Variants in ZNF835 observed in about 807,000 individuals in gnomAD.
ZNF835 encodes the protein zinc finger protein 835.
For missense variants in ZNF835, 783 were observed against 758.4 expected (o/e 1.03, Z -0.38); for synonymous variants, 323 against 324.7 (o/e 0.99, Z 0.06).
At chr19:56,669,016 G>A (rs2045268770) in intron 1 of ZNF835, among the ~76,000 whole-genome samples, 1 of 152,084 alleles carries the variant, frequency 6.6e-6, no homozygotes, top group African/African-American at 2.4e-5. Context: ...GAAGAAAGCT[G>A]TCTACTCCCA....
chr19:56,669,319 C>T (rs76352395), intron 1 of ZNF835, among the ~76,000 whole-genome samples: 4 of 152,270 alleles, frequency 2.6e-5, no homozygotes, highest in Admixed American at 2.0e-4. Flanking sequence ...GCTCGGCAAA[C>T]CCTAAGTTTA....
chr19:56,663,933 C>G lies in ZNF835; in HGVS notation c.1266G>C (p.Glu422Asp). The G allele has an allele frequency of 6.2e-7, 1 of 1,610,042 alleles. No homozygotes were observed. ...HTGERPYKCGECGKAFSQGSS... is the reference protein window; with the variant it reads ...HTGERPYKCGDCGKAFSQGSS... ...AGCCCTGGCTGAAAGCTTTGCCGCA[C>G]TCGCCGCACTTGTAGGGCCGCTCTC... is the stretch of plus-strand genomic sequence containing the variant. Residue 422 changes from glutamate (E) to aspartate (D), a missense_variant, in exon 2 of 2, where the codon GAG becomes GAC. Coordinates refer to ENST00000537055, the MANE Select transcript of ZNF835 (RefSeq NM_001005850.3).
rs1304115955 is a variant in ZNF835, at chr19:56,664,080, G to A, written c.1119C>T (p.Asn373=). 2 of 1,599,264 alleles carry A rather than the reference G, an allele frequency of 1.3e-6. No homozygotes were observed. The highest frequency in any genetic ancestry group is 1.1e-5 in the South Asian group (1 of 90,328). ...GGCGGTGCTGGAGGAGGTGGGAGCG[G>A]TTGCTGAAGCGCTTGCCGCAGTCGT... ...PCHDCGKRFS[N]RSHLLQHRLV... is the part of the protein sequence containing the mutation. The change falls in exon 2 of 2, where the codon AAC becomes AAT. Residue 373 remains asparagine, a synonymous_variant. Coordinates refer to ENST00000537055, the MANE Select transcript of ZNF835 (RefSeq NM_001005850.3).
chr19:56,664,138 C>T lies in ZNF835; in HGVS notation c.1061G>A (p.Arg354His), dbSNP rs369264555. 7 of 1,608,992 alleles carry T rather than the reference C, an allele frequency of 4.4e-6. No homozygotes were observed. Among genetic ancestry groups the T allele is most frequent in the Non-Finnish European group, 5.1e-6 (6 of 1,177,838 alleles). The change falls in exon 2 of 2, where the codon CGC (arginine) becomes CAC (histidine). Residue 354 changes from arginine (R) to histidine (H), a missense_variant. Coordinates refer to ENST00000537055, the MANE Select transcript of ZNF835 (RefSeq NM_001005850.3). ...GTAAGGCCGCTCTCCGGTGTGCGTG[C>T]GCTGGTGCTGCGTCAGGTGCGACAC... Reference protein sequence around the residue: ...TQVSHLTQHQRTHTGERPYPC... With the variant: ...TQVSHLTQHQHTHTGERPYPC...
rs1244891499 is a variant in ZNF835 at position 56,665,014 on chromosome 19, C to G, written c.185G>C (p.Arg62Thr). ...QERDEFSRIP[R>T]TISSPAATQA... ...GGTAGCAGCAGGGCTCGATATGGTT[C>G]TTGGGATTCGGCTGAATTCATCGCG... is the stretch of plus-strand genomic sequence containing the variant. The change falls in exon 2 of 2, where the codon AGA (arginine) becomes ACA (threonine). Residue 62 changes from arginine to threonine, a missense_variant. Arg to Thr is a moderately conservative substitution (Grantham distance 71, BLOSUM62 -1). Coordinates refer to ENST00000537055, the MANE Select transcript of ZNF835 (RefSeq NM_001005850.3). 6.2e-7 allele frequency: 1 copy of G among 1,614,046 alleles called. No homozygotes were observed. Among genetic ancestry groups the G allele is most frequent in the Non-Finnish European group, 8.5e-7 (1 of 1,179,900 alleles).
At position 56,662,415 on chromosome 19, in the gene ZNF835, A is replaced by C. The variant is rs2045193259; in HGVS notation, c.*1170T>G. The C allele has an allele frequency of 6.6e-6, 1 of 152,228 alleles. No homozygotes were observed. The highest frequency in any genetic ancestry group is 1.5e-5 in the Non-Finnish European group (1 of 68,046). The allele number at this position is 152,228 out of a possible 1,614,324, so 9.4% of individuals were successfully genotyped here. A position where few individuals can be genotyped will look rare whatever the true frequency, so the allele number is the denominator to read the frequency against. On this transcript the variant is annotated 3_prime_UTR_variant, in exon 2 of 2. Coordinates refer to ENST00000537055, the MANE Select transcript of ZNF835 (RefSeq NM_001005850.3). ...GCAAGAGCTGACTGATACAAGCATT[A>C]AAGTCAGGTCTTTGAGTTAGGGGGA...
In ZNF835 at chr19:56,664,419, G is replaced by C; in HGVS notation, c.780C>G (p.Arg260=). 6.2e-7 allele frequency: 1 copy of C among 1,612,576 alleles called. No homozygotes were observed. The highest frequency in any genetic ancestry group is 8.5e-7 in the Non-Finnish European group (1 of 1,179,284). ...YECSACAKAF[R]FSSALIRHQR... is the part of the protein sequence containing the mutation. ...GGTGGCGGATGAGCGCTGAGGAGAA[G>C]CGGAAGGCCTTGGCGCACGCGGAGC... is the stretch of plus-strand genomic sequence containing the variant. Residue 260 remains arginine (R), a synonymous_variant, in exon 2 of 2, where the codon CGC becomes CGG. Coordinates refer to ENST00000537055, the MANE Select transcript of ZNF835 (RefSeq NM_001005850.3).
Position 56,663,819 on chromosome 19 carries a change from G to C in ZNF835, c.1380C>G (p.Tyr460Ter), listed in dbSNP as rs1445920182. 6.2e-7 allele frequency: 1 copy of C among 1,613,864 alleles called. No homozygotes were observed. Among genetic ancestry groups the C allele is most frequent in the Non-Finnish European group, 8.5e-7 (1 of 1,179,990 alleles). Residue 460 changes from tyrosine (Y) to a stop codon, truncating the protein, a stop_gained, in exon 2 of 2, where the codon TAC becomes TAG. Transcript: ENST00000537055. LOFTEE classifies it low-confidence loss of function (END_TRUNC). ...TGTGCACGATGTGGTGCTGGATCAG[G>C]TAGGAGCGGTTGCTGAAGGCCTTGC... Reference protein sequence around the residue: ...ECGKAFSNRSYLIQHHIVHTG... With the variant: ...ECGKAFSNRS
In ZNF835 at chr19:56,664,091, G is replaced by GC; in HGVS notation, c.1107dup (p.Arg370AlafsTer18). The GC allele has an allele frequency of 6.3e-7, 1 of 1,595,058 alleles. No homozygotes were observed. The highest frequency in any genetic ancestry group is 8.6e-7 in the Non-Finnish European group (1 of 1,169,040). ...AGGAGGTGGGAGCGGTTGCTGAAGC[G>GC]CTTGCCGCAGTCGTGGCAGGGGTAA... On this transcript the variant is annotated frameshift_variant, in exon 2 of 2. Coordinates refer to ENST00000537055, the MANE Select transcript of ZNF835 (RefSeq NM_001005850.3). LOFTEE classifies it low-confidence loss of function (END_TRUNC).
In ZNF835 at chr19:56,663,270, G is replaced by C. The variant is rs149287042; in HGVS notation, c.*315C>G. On this transcript the variant is annotated 3_prime_UTR_variant, in exon 2 of 2. Coordinates refer to ENST00000537055, the MANE Select transcript of ZNF835 (RefSeq NM_001005850.3). ...GGAGGCAGAAGTTTCAGTGAGCCGA[G>C]ATCGCTCCACTGCACTCTAGCCTGG... 96 of 371,976 alleles carry C rather than the reference G, an allele frequency of 2.6e-4. 1 individual carries two copies. Among genetic ancestry groups the C allele is most frequent in the African/African-American group, 1.9e-3 (90 of 47,560 alleles). 23.0% of individuals were successfully genotyped at this position (371,976 alleles called of 1,614,324 possible).
At chr19:56,670,136 T>TG (rs2045276479) in intron 1 of ZNF835, among the ~76,000 whole-genome samples, 1 of 150,760 alleles carries the variant, frequency 6.6e-6, no homozygotes, top group Non-Finnish European at 1.5e-5. Context: ...TAAATGTACT[T>TG]GGGGGCCTAT....
In ZNF835 at chr19:56,664,415, A is replaced by C; in HGVS notation, c.784T>G (p.Ser262Ala). Residue 262 changes from serine (S) to alanine (A), a missense_variant, in exon 2 of 2, where the codon TCC (serine) becomes GCC (alanine). Transcript: ENST00000537055. ...CSACAKAFRF[S>A]SALIRHQRIH... ...CGCTGGTGGCGGATGAGCGCTGAGG[A>C]GAAGCGGAAGGCCTTGGCGCACGCG... 4 of 1,607,078 alleles carry C rather than the reference A, an allele frequency of 2.5e-6. No individual in the cohort carries two copies. Among genetic ancestry groups the C allele is most frequent in the Non-Finnish European group, 3.4e-6 (4 of 1,178,002 alleles).
At position 56,664,260 on chromosome 19, in the gene ZNF835, C is replaced by T. The variant is rs374098193; in HGVS notation, c.939G>A (p.Ala313=). The T allele has an allele frequency of 5.2e-5, 83 of 1,606,772 alleles. No individual in the cohort carries two copies. In the Middle Eastern group the frequency reaches 3.8e-3, roughly 74 times the overall value. The change falls in exon 2 of 2, where the codon GCG becomes GCA. Residue 313 remains alanine, a synonymous_variant. Coordinates refer to ENST00000537055, the MANE Select transcript of ZNF835 (RefSeq NM_001005850.3). ...EKPYTCQDCG[A]LFSQSASLAE... is the part of the protein sequence containing the mutation. ...CCAGAGAGGCGCTCTGGCTGAAGAGCGCGCCGCAGTCCTGGCACGTGTAGG... is the reference window on the plus strand; with the variant it reads ...CCAGAGAGGCGCTCTGGCTGAAGAGTGCGCCGCAGTCCTGGCACGTGTAGG...
chr19:56,662,476 G>T lies in ZNF835; in HGVS notation c.*1109C>A, dbSNP rs2045193528. ...AGATGGGTAGGTGTTTCCTCATACT[G>T]AAAAAAAGACTAGGCCCACTCTAAA... On this transcript the variant is annotated 3_prime_UTR_variant, in exon 2 of 2. Transcript: ENST00000537055. 1 of 152,080 alleles carries T rather than the reference G, an allele frequency of 6.6e-6. No homozygotes were observed. Among genetic ancestry groups the T allele is most frequent in the Non-Finnish European group, 1.5e-5 (1 of 68,006 alleles). The allele number at this position is 152,080 out of a possible 1,614,324, so 9.4% of individuals were successfully genotyped here.
Position 56,663,610 on chromosome 19 carries a change from T to A in ZNF835, c.1589A>T (p.Asn530Ile), listed in dbSNP as rs542790372. 6.2e-7 allele frequency: 1 copy of A among 1,613,958 alleles called. No homozygotes were observed. The highest frequency in any genetic ancestry group is 2.2e-5 in the East Asian group (1 of 44,868). Residue 530 changes from asparagine to isoleucine, a missense_variant, in exon 2 of 2, where the codon AAC becomes ATC. Coordinates refer to ENST00000537055, the MANE Select transcript of ZNF835 (RefSeq NM_001005850.3). ...TTAATCTTCTGCTGGTCCACGCGGGTTTCTGCCAGGGCACCCCTGTTGACA... is the reference window on the plus strand; with the variant it reads ...TTAATCTTCTGCTGGTCCACGCGGGATTCTGCCAGGGCACCCCTGTTGACA... ...ETCQQGCPGR[N>I]PRGPAED is the part of the protein sequence containing the mutation.
At position 56,663,259 on chromosome 19, in the gene ZNF835, C is replaced by T. The variant is rs2045201717; in HGVS notation, c.*326G>A. The T allele has an allele frequency of 3.1e-6, 1 of 326,060 alleles. No homozygotes were observed. Among genetic ancestry groups the T allele is most frequent in the Non-Finnish European group, 5.6e-6 (1 of 177,088 alleles). 20.2% of individuals were successfully genotyped at this position (326,060 alleles called of 1,614,324 possible). On this transcript the variant is annotated 3_prime_UTR_variant, in exon 2 of 2. Transcript: ENST00000537055. The stretch of plus-strand genomic sequence containing the variant: ...ACTTGTACCCGGGAGGCAGAAGTTT[C>T]AGTGAGCCGAGATCGCTCCACTGCA...
chr19:56,669,131 C>T (rs1164124858), intron 1 of ZNF835, among the ~76,000 whole-genome samples: 3 of 152,170 alleles, frequency 2.0e-5, no homozygotes, highest in Non-Finnish European at 2.9e-5. Flanking sequence ...CTCAACCCCT[C>T]CTTGGGTTTG....
chr19:56,667,312 C>T (rs1300452734), intron 1 of ZNF835, among the ~76,000 whole-genome samples: 2 of 152,208 alleles, frequency 1.3e-5, no homozygotes, highest in South Asian at 4.1e-4. Flanking sequence ...GACAAATGAC[C>T]TCCTGGTGCT....
At chr19:56,666,192 C>T (rs988726515) in intron 1 of ZNF835, among the ~76,000 whole-genome samples, 2 of 152,118 alleles carry the variant, frequency 1.3e-5, no homozygotes, top group South Asian at 2.1e-4. Context: ...CTGCAACCTC[C>T]GCCTCCCGGG....
Sources: gnomAD v4.1 joint callset for allele counts (sites outside exome capture counted in the v4.1 genomes callset) on GRCh38, gnomAD v4.1.1 for gene constraint, MANE v1.5 for transcripts, NCBI Gene and HGNC (gene_info 2026-07-23, HGNC 2026-07-21) for gene names.